TMEM217B: variants seen among roughly 807,000 people sequenced by gnomAD.
TMEM217B encodes the protein transmembrane protein 217B, also known as putative transmembrane protein 217B.
the TMEM217B span, chr6:37,257,640 C>T: frequency 2.2e-6 from 1 of 459,298 alleles, no homozygotes; most frequent in Non-Finnish European, 3.9e-6. Context: ...CCTTCCCCGT[C>T]CACCTGTGTG....
chr6:37,257,082 A>T, the TMEM217B span, among the ~76,000 whole-genome samples: 1 of 152,212 alleles, frequency 6.6e-6, no homozygotes, highest in Non-Finnish European at 1.5e-5. Context: ...TCCTTCAAAG[A>T]AATGGTATTT....
chr6:37,229,333 CA>C, the TMEM217B span, among the ~76,000 whole-genome samples: 1 of 40,898 alleles, frequency 2.4e-5, no homozygotes, highest in Admixed American at 2.8e-4. Context: ...TAGCAACTTT[CA>C]GTTTTTTTTT....
the TMEM217B span, among the ~76,000 whole-genome samples, chr6:37,226,510 G>T: frequency 6.6e-6 from 1 of 151,186 alleles, no homozygotes; most frequent in South Asian, 2.1e-4. Flanking sequence ...TGTTAGCCAG[G>T]ATGGTCTCGA....
At chr6:37,232,425 G>A in the TMEM217B span, among the ~76,000 whole-genome samples, 7 of 152,062 alleles carry the variant, frequency 4.6e-5, no homozygotes, top group African/African-American at 1.4e-4. Context: ...TCGCTCTGTC[G>A]CCCAGGCTGG....
chr6:37,217,886 C>T, the TMEM217B span: 2 of 985,696 alleles, frequency 2.0e-6, no homozygotes, highest in Admixed American at 6.1e-5. Flanking sequence ...TTCATTTTGA[C>T]CAATCAGGTG....
the TMEM217B span, chr6:37,212,553 G>A: frequency 3.7e-5 from 17 of 461,336 alleles, no homozygotes; most frequent in Admixed American, 3.3e-4. Flanking sequence ...GCTTGACGAT[G>A]AAGGGCAGAC....
chr6:37,251,822 C>T, the TMEM217B span, among the ~76,000 whole-genome samples: 1 of 152,020 alleles, frequency 6.6e-6, no homozygotes, highest in African/African-American at 2.4e-5. Context: ...CAGGAGATGG[C>T]AAATTACCAA....
chr6:37,253,412 C>T, the TMEM217B span, among the ~76,000 whole-genome samples: 1 of 152,206 alleles, frequency 6.6e-6, no homozygotes, highest in Non-Finnish European at 1.5e-5. Flanking sequence ...CCTTCACCCC[C>T]CAAATTCTAA....
the TMEM217B span, among the ~76,000 whole-genome samples, chr6:37,252,631 ATATATATTTTTTTTTT>A: frequency 1.3e-5 from 1 of 77,328 alleles, no homozygotes; most frequent in African/African-American, 6.0e-5. Context: ...ATATATATAT[ATATATATTTTTTTTTT>A]TTTTTTTTTT....
chr6:37,221,421 A>G, the TMEM217B span, among the ~76,000 whole-genome samples: 1 of 152,148 alleles, frequency 6.6e-6, no homozygotes, highest in Admixed American at 6.5e-5. Flanking sequence ...TCCTGACCTC[A>G]GGTGATCCTC....
the TMEM217B span, chr6:37,257,868 C>A: frequency 6.3e-7 from 1 of 1,595,042 alleles, no homozygotes; most frequent in Non-Finnish European, 8.5e-7. Flanking sequence ...GGGGGCATCT[C>A]GCCGGGCAAA....
At chr6:37,238,803 G>C in the TMEM217B span, among the ~76,000 whole-genome samples, 2 of 152,214 alleles carry the variant, frequency 1.3e-5, no homozygotes, top group Non-Finnish European at 2.9e-5. Flanking sequence ...TTGAGGTTGA[G>C]TATTCTTCTA....
the TMEM217B span, chr6:37,218,185 T>TG: frequency 0.021 from 23,439 of 1,113,878 alleles, 133 homozygotes; most frequent in African/African-American, 0.061. Context: ...TTTTTTTTTT[T>TG]GGGGGACAGA....
the TMEM217B span, among the ~76,000 whole-genome samples, chr6:37,232,188 A>G: frequency 2.0e-5 from 3 of 152,210 alleles, no homozygotes; most frequent in African/African-American, 7.2e-5. Context: ...GCTTCGTTCC[A>G]AAAAATAGAA....
chr6:37,255,665 C>T, the TMEM217B span, among the ~76,000 whole-genome samples: 1 of 146,794 alleles, frequency 6.8e-6, no homozygotes, highest in Non-Finnish European at 1.5e-5. Context: ...GCTTGGGTGA[C>T]AGGGCAAGAC....
At chr6:37,221,958 T>G in the TMEM217B span, among the ~76,000 whole-genome samples, 1 of 152,132 alleles carries the variant, frequency 6.6e-6, no homozygotes, top group Non-Finnish European at 1.5e-5. Context: ...TCTCTGAGGC[T>G]CTCAGAAGAG....
the TMEM217B span, among the ~76,000 whole-genome samples, chr6:37,230,152 C>G: frequency 2.0e-5 from 3 of 152,234 alleles, no homozygotes; most frequent in African/African-American, 7.2e-5. Context: ...GTCCTTCTCA[C>G]GCTTGGAATT....
the TMEM217B span, among the ~76,000 whole-genome samples, chr6:37,225,727 T>A: frequency 7.2e-5 from 11 of 152,346 alleles, no homozygotes; most frequent in Admixed American, 3.3e-4. Context: ...CTTTTACCTT[T>A]AGCTAGACAC....
At chr6:37,220,919 T>G in the TMEM217B span, among the ~76,000 whole-genome samples, 14 of 152,214 alleles carry the variant, frequency 9.2e-5, no homozygotes, top group East Asian at 2.7e-3. Flanking sequence ...TATAGTATAA[T>G]TCATGCATAT....
Sources: allele counts gnomAD v4.1 joint callset (sites outside exome capture counted in the v4.1 genomes callset), GRCh38; gene constraint gnomAD v4.1.1; transcripts MANE v1.5; gene names NCBI Gene and HGNC (gene_info 2026-07-23, HGNC 2026-07-21).